Variants in SNX29 observed in about 807,000 individuals in gnomAD.
SNX29 encodes the protein sorting nexin 29, also known as sorting nexin-29.
Under a neutral mutation model 102.1 loss-of-function variants are expected in SNX29, and 78 were observed. That is an observed-to-expected ratio of 0.76 (90% confidence interval 0.64 to 0.92). The LOEUF is 0.92. SNX29 is among the 40% of genes least tolerant of loss of function. The pLI, the probability that SNX29 is intolerant of heterozygous loss-of-function variation, is 0.00. For synonymous variants in SNX29, 580 were observed against 414.5 expected, an observed-to-expected ratio of 1.40 and a Z score of -4.85; for missense variants, 1,280 against 1,061.7, an observed-to-expected ratio of 1.21 and a Z score of -2.86.
chr16:12,036,488 C>T (rs2057477973), intron 4 of SNX29, among the ~76,000 whole-genome samples: 1 of 152,054 alleles, frequency 6.6e-6, no homozygotes, highest in African/African-American at 2.4e-5. Context: ...GTGCCCGCCA[C>T]CACGCCCAGC....
chr16:12,451,626 G>T (rs1030319151), intron 18 of SNX29, among the ~76,000 whole-genome samples: 3 of 152,246 alleles, frequency 2.0e-5, no homozygotes, highest in Non-Finnish European at 2.9e-5. Context: ...CACTTTGGGA[G>T]GCTGAGGCGG....
chr16:12,565,278 T>TA (rs2078950925), intron 20 of SNX29, among the ~76,000 whole-genome samples: 1 of 152,184 alleles, frequency 6.6e-6, no homozygotes, highest in African/African-American at 2.4e-5. Flanking sequence ...CAGCCTCACA[T>TA]ACGCCAGCAG....
chr16:11,996,206 C>T lies in SNX29; in HGVS notation c.8-3091C>T, dbSNP rs141730104. ...ATCGCTTGAGTCTGGGGTGAGACCC[C>T]GTCTGTATAAAAAATAAAAATAAAT... On this transcript the variant is annotated intron_variant, in intron 1 of 20. Transcript: ENST00000566228. Among the ~76,000 whole-genome samples, 189 of 152,012 alleles carry T rather than the reference C, an allele frequency of 1.2e-3. 2 individuals carry two copies. Among genetic ancestry groups the T allele is most frequent in the African/African-American group, 4.1e-3 (170 of 41,472 alleles).
intron 20 of SNX29, among the ~76,000 whole-genome samples, chr16:12,535,097 C>T (rs1459223616): frequency 6.6e-6 from 1 of 152,168 alleles, no homozygotes; most frequent in Non-Finnish European, 1.5e-5. Context: ...GAGGAGAAAC[C>T]AACATGTATT....
intron 1 of SNX29, among the ~76,000 whole-genome samples, chr16:11,982,492 C>T (rs538012114): frequency 2.8e-5 from 4 of 144,874 alleles, no homozygotes; most frequent in Middle Eastern, 3.8e-3. Flanking sequence ...TGCAGTGATG[C>T]GATCTCGGCT....
At chr16:12,133,384 G>A (rs2054546186) in intron 13 of SNX29, among the ~76,000 whole-genome samples, 1 of 146,156 alleles carries the variant, frequency 6.8e-6, no homozygotes, top group African/African-American at 2.6e-5. Context: ...TCCGCCTCCT[G>A]GGCTCAAGCA....
chr16:12,427,277 G>T (rs1004923774), intron 18 of SNX29, among the ~76,000 whole-genome samples: 2 of 149,534 alleles, frequency 1.3e-5, no homozygotes, highest in Non-Finnish European at 3.0e-5. Context: ...CGTTGCTGTT[G>T]TTTTTTTTTG....
intron 14 of SNX29, among the ~76,000 whole-genome samples, chr16:12,263,819 G>A (rs1279387838): frequency 2.6e-5 from 4 of 152,326 alleles, no homozygotes; most frequent in South Asian, 2.1e-4. Context: ...GTATTGGTCA[G>A]TAATTCAGTC....
At chr16:12,196,053 G>A (rs1024215186) in intron 13 of SNX29, among the ~76,000 whole-genome samples, 2 of 133,164 alleles carry the variant, frequency 1.5e-5, no homozygotes, top group Non-Finnish European at 3.1e-5. Flanking sequence ...TTTGTTCACT[G>A]CAACCTCCAC....
At chr16:12,260,150 T>A (rs976388500) in intron 14 of SNX29, among the ~76,000 whole-genome samples, 4 of 152,208 alleles carry the variant, frequency 2.6e-5, no homozygotes, top group African/African-American at 9.7e-5. Context: ...TCAACGTGAT[T>A]TCTTTTTTAA....
At chr16:12,120,384 G>A (rs1190513753) in intron 11 of SNX29, among the ~76,000 whole-genome samples, 3 of 152,206 alleles carry the variant, frequency 2.0e-5, no homozygotes, top group Non-Finnish European at 2.9e-5. Context: ...GGGAGTTATT[G>A]CACAGATCTA....
At chr16:12,531,773 G>C (rs545577151) in intron 20 of SNX29, among the ~76,000 whole-genome samples, 2 of 152,296 alleles carry the variant, frequency 1.3e-5, no homozygotes, top group African/African-American at 4.8e-5. Flanking sequence ...TGGTCTACGT[G>C]CATCCTGAAG....
intron 16 of SNX29, among the ~76,000 whole-genome samples, chr16:12,378,191 T>G (rs1009466169): frequency 1.6e-4 from 25 of 152,338 alleles, no homozygotes; most frequent in African/African-American, 5.1e-4. Context: ...CTCACGATTC[T>G]GATGACTGGA....
chr16:12,371,492 G>C (rs1158859800), intron 16 of SNX29, among the ~76,000 whole-genome samples: 1 of 152,128 alleles, frequency 6.6e-6, no homozygotes, highest in Non-Finnish European at 1.5e-5. Flanking sequence ...TTTTTTTGTA[G>C]AGACAGGGTC....
chr16:12,224,227 C>T (rs369016960), intron 14 of SNX29, among the ~76,000 whole-genome samples: 2 of 152,210 alleles, frequency 1.3e-5, no homozygotes, highest in Non-Finnish European at 2.9e-5. Flanking sequence ...AATTCTACAT[C>T]TCCCTTGCTC....
chr16:12,286,533 G>A (rs1410712637), intron 15 of SNX29, among the ~76,000 whole-genome samples: 1 of 151,650 alleles, frequency 6.6e-6, no homozygotes, highest in Non-Finnish European at 1.5e-5. Context: ...TTTTAGTAGA[G>A]ATGGGGTTTC....
intron 12 of SNX29, among the ~76,000 whole-genome samples, chr16:12,127,858 T>C (rs936059453): frequency 3.9e-5 from 6 of 152,186 alleles, no homozygotes; most frequent in Non-Finnish European, 7.3e-5. Flanking sequence ...ATCTGACTTA[T>C]CTTGACTGTG....
intron 1 of SNX29, among the ~76,000 whole-genome samples, chr16:11,985,626 C>T (rs2055589605): frequency 1.3e-5 from 2 of 152,120 alleles, no homozygotes; most frequent in Non-Finnish European, 2.9e-5. Context: ...TTTGGTTGGC[C>T]AGGTCTGGAC....
intron 20 of SNX29, among the ~76,000 whole-genome samples, chr16:12,558,901 C>A (rs1440243088): frequency 6.6e-6 from 1 of 152,214 alleles, no homozygotes; most frequent in African/African-American, 2.4e-5. Context: ...GCTTCAGGGC[C>A]TGAAAGCATT....
Sources: allele counts gnomAD v4.1 joint callset (sites outside exome capture counted in the v4.1 genomes callset), GRCh38; gene constraint gnomAD v4.1.1; transcripts MANE v1.5; gene names NCBI Gene and HGNC (gene_info 2026-07-23, HGNC 2026-07-21).